The following STT3B variants were observed in gnomAD, a reference collection of about 807,000 sequenced individuals.
STT3B encodes the protein dolichyl-diphosphooligosaccharide--protein glycosyltransferase subunit STT3B.
In STT3B, 29 loss-of-function variants were observed where a neutral mutation model predicts 96.8. That is an observed-to-expected ratio of 0.30 (90% CI 0.22 to 0.41). The LOEUF (loss-of-function observed/expected upper bound fraction) is 0.41. STT3B is among the 10% of genes least tolerant of loss of function. STT3B has a pLI of 1.00. For synonymous variants in STT3B, 367 were observed against 360.0 expected, an observed-to-expected ratio of 1.02 and a Z score of -0.22; for missense variants, 640 against 1,022.3, an observed-to-expected ratio of 0.63 and a Z score of 5.10.
intron 6 of STT3B, 98 bp downstream of exon 6, chr3:31,615,301 C>A: frequency 2.4e-6 from 2 of 828,264 alleles, no homozygotes; most frequent in Non-Finnish European, 3.7e-6. Context: ...TTGGTTGTTG[C>A]AATGACAACC....
intron 1 of STT3B, among the ~76,000 whole-genome samples, chr3:31,563,866 C>T (rs1229241144): frequency 2.6e-5 from 4 of 151,916 alleles, no homozygotes; most frequent in Non-Finnish European, 4.4e-5. Context: ...GTGTAGTGGG[C>T]GCGATCTTGG....
chr3:31,614,609 CATA>C (rs1300308986), intron 5 of STT3B, among the ~76,000 whole-genome samples: 2 of 151,836 alleles, frequency 1.3e-5, no homozygotes, highest in African/African-American at 4.8e-5. Flanking sequence ...TTATTTAACT[CATA>C]GTACTATACA....
At chr3:31,540,045 C>A (rs893497862) in intron 1 of STT3B, among the ~76,000 whole-genome samples, 1 of 152,124 alleles carries the variant, frequency 6.6e-6, no homozygotes, top group African/African-American at 2.4e-5. Context: ...TGGCTAGATT[C>A]TTTTCCATTT....
Position 31,636,503 on chromosome 3 carries a change from G to A in STT3B, c.*439G>A, listed in dbSNP as rs1023506666. The A allele has an allele frequency of 6.5e-6, 1 of 152,976 alleles. No homozygotes were observed. Among genetic ancestry groups the A allele is most frequent in the African/African-American group, 2.4e-5 (1 of 41,460 alleles). 9.5% of individuals were successfully genotyped at this position (152,976 alleles called of 1,614,324 possible). On this transcript the variant is annotated 3_prime_UTR_variant, in exon 16 of 16. Transcript: ENST00000295770. ...AATGTGATGAGAGCTTCTTGAACCGGTAAACTAGTACAGGTCTGAGAAAGA... is the reference window on the plus strand; with the variant it reads ...AATGTGATGAGAGCTTCTTGAACCGATAAACTAGTACAGGTCTGAGAAAGA...
intron 3 of STT3B, among the ~76,000 whole-genome samples, chr3:31,580,387 T>C (rs1174124426): frequency 2.0e-5 from 3 of 152,160 alleles, no homozygotes; most frequent in Non-Finnish European, 4.4e-5. Context: ...TAAGAAATAG[T>C]TACCCAGGAA....
At position 31,594,903 on chromosome 3, in the gene STT3B, G is replaced by A. The variant is rs566260282; in HGVS notation, c.712-1895G>A. On this transcript the variant is annotated intron_variant, in intron 3 of 15. Transcript: ENST00000295770. ...CAGGAGCTTCTGTTGCCATGGAGTT[G>A]GGGTGCACCACCATCCTGGTACATG... 2.0e-5 allele frequency among the ~76,000 whole-genome samples: 3 copies of A among 152,276 alleles called. No individual in the cohort carries two copies. The East Asian group carries it at 5.8e-4, about 29-fold the overall frequency.
intron 1 of STT3B, among the ~76,000 whole-genome samples, chr3:31,566,125 G>C (rs531803775): frequency 6.6e-6 from 1 of 152,320 alleles, no homozygotes; most frequent in East Asian, 1.9e-4. Flanking sequence ...ATTCAAAACT[G>C]TGTGTCCATT....
At chr3:31,559,949 C>T (rs1697831702) in intron 1 of STT3B, among the ~76,000 whole-genome samples, 2 of 151,980 alleles carry the variant, frequency 1.3e-5, no homozygotes, top group African/African-American at 4.8e-5. Flanking sequence ...CCTTCTTTGT[C>T]TCTTTTTACT....
At chr3:31,592,599 A>G (rs1320495273) in intron 3 of STT3B, among the ~76,000 whole-genome samples, 1 of 151,932 alleles carries the variant, frequency 6.6e-6, no homozygotes, top group Admixed American at 6.6e-5. Context: ...AACACATGTT[A>G]TTTTCTGGTT....
At chr3:31,570,489 A>T (rs1698111334) in intron 1 of STT3B, among the ~76,000 whole-genome samples, 1 of 152,168 alleles carries the variant, frequency 6.6e-6, no homozygotes, top group South Asian at 2.1e-4. Context: ...GTGAGAATAA[A>T]GTACTTGGCT....
At chr3:31,564,292 G>A (rs1697949214) in intron 1 of STT3B, among the ~76,000 whole-genome samples, 1 of 152,150 alleles carries the variant, frequency 6.6e-6, no homozygotes, top group African/African-American at 2.4e-5. Flanking sequence ...GTTCAGAGGA[G>A]CTTTAACACA....
chr3:31,599,045 G>T (rs1204277988), intron 4 of STT3B, among the ~76,000 whole-genome samples: 1 of 152,122 alleles, frequency 6.6e-6, no homozygotes, highest in Non-Finnish European at 1.5e-5. Context: ...CTGATCTCAG[G>T]TGATCCGCCT....
At chr3:31,582,215 A>G (rs553997001) in intron 3 of STT3B, among the ~76,000 whole-genome samples, 11 of 149,386 alleles carry the variant, frequency 7.4e-5, no homozygotes, top group Non-Finnish European at 1.2e-4. Flanking sequence ...CAAGCACTCT[A>G]TTTTATCTCT....
At chr3:31,616,597 C>G (rs904771084) in intron 6 of STT3B, among the ~76,000 whole-genome samples, 2 of 151,732 alleles carry the variant, frequency 1.3e-5, no homozygotes, top group African/African-American at 4.8e-5. Flanking sequence ...AAATTACTTC[C>G]CTCCACCCCA....
At chr3:31,539,037 A>G (rs1250283720) in intron 1 of STT3B, among the ~76,000 whole-genome samples, 2 of 152,120 alleles carry the variant, frequency 1.3e-5, no homozygotes, top group Non-Finnish European at 2.9e-5. Flanking sequence ...AGGTAAATGT[A>G]TGTTAATCTG....
At chr3:31,626,752 G>A (rs781549528) in intron 13 of STT3B, among the ~76,000 whole-genome samples, 15 of 152,140 alleles carry the variant, frequency 9.9e-5, no homozygotes, top group African/African-American at 2.9e-4. Context: ...TTATAGTGCC[G>A]TTTAATGAGA....
chr3:31,594,860 C>T (rs1053601520), intron 3 of STT3B, among the ~76,000 whole-genome samples: 1 of 152,134 alleles, frequency 6.6e-6, no homozygotes, highest in African/African-American at 2.4e-5. Context: ...AGGACAAGAT[C>T]TGGAAGAGTC....
At chr3:31,562,738 A>G (rs985305082) in intron 1 of STT3B, among the ~76,000 whole-genome samples, 1 of 152,208 alleles carries the variant, frequency 6.6e-6, no homozygotes, top group Non-Finnish European at 1.5e-5. Context: ...TAGCGCAGGT[A>G]AAAATTCACA....
intron 11 of STT3B, 112 bp downstream of exon 11, chr3:31,623,973 G>C: frequency 1.1e-6 from 1 of 944,334 alleles, no homozygotes; most frequent in Non-Finnish European, 1.5e-6. Context: ...GCATTTGCTT[G>C]TTTTTAATTT....
Sources: gnomAD v4.1 joint callset for allele counts (sites outside exome capture counted in the v4.1 genomes callset) on GRCh38, gnomAD v4.1.1 for gene constraint, MANE v1.5 for transcripts, NCBI Gene and HGNC (gene_info 2026-07-23, HGNC 2026-07-21) for gene names.